Variants in RPL34 observed in about 807,000 individuals in gnomAD.
RPL34 encodes the protein ribosomal protein L34.
A neutral mutation model predicts 16.3 loss-of-function variants in RPL34; 2 were observed. The observed-to-expected ratio is 0.12, with a 90% CI of 0.05 to 0.39. The LOEUF is 0.39. Ranked by LOEUF, RPL34 falls within the 10% of genes least tolerant of loss-of-function variation. The pLI, the probability that RPL34 is intolerant of heterozygous loss-of-function variation, is 0.99. For missense variants in RPL34, 82 were observed against 148.8 expected, an observed-to-expected ratio of 0.55 and a Z score of 2.33; for synonymous variants, 47 against 48.5, an observed-to-expected ratio of 0.97 and a Z score of 0.13.
At chr4:108,629,878 C>T (rs1182539238), downstream of RPL34, 1 of 152,212 alleles carries the variant, frequency 6.6e-6, no homozygotes, top group Admixed American at 6.5e-5. Context: ...GTCCAACTTT[C>T]ACTGTAAACT....
In RPL34 at chr4:108,625,275, T is replaced by TC. The variant is rs1433426179; in HGVS notation, c.*64dup. 3 of 928,834 alleles carry TC rather than the reference T, an allele frequency of 3.2e-6. No individual in the cohort carries two copies. Among genetic ancestry groups the TC allele is most frequent in the South Asian group, 1.5e-5 (1 of 66,736 alleles). The allele number at this position is 928,834 out of a possible 1,614,324, so 57.5% of individuals were successfully genotyped here. A position where few individuals can be genotyped will look rare whatever the true frequency, so the allele number is the denominator to read the frequency against. ...CGCTGTATGTATGACTTTTTTTTTT[T>TC]CTGTTGTAATGTGTTAGTATACAGA... On this transcript the variant is annotated 3_prime_UTR_variant, in exon 5 of 5. Coordinates refer to ENST00000394667, the MANE Select transcript of RPL34 (RefSeq NM_001319236.2).
intron 4 of RPL34, chr4:108,622,860 A>G (rs1354304844): frequency 5.1e-6 from 2 of 389,086 alleles, no homozygotes; most frequent in Admixed American, 4.1e-5. Flanking sequence ...GGAGGTGGGT[A>G]AGAAAGTCTC....
intron 4 of RPL34, among the ~76,000 whole-genome samples, chr4:108,624,351 T>C (rs1029595122): frequency 6.6e-6 from 1 of 152,108 alleles, no homozygotes; most frequent in Non-Finnish European, 1.5e-5. Context: ...AGGGTAGGGT[T>C]TGATAACCAG....
Position 108,625,344 on chromosome 4 carries a change from G to A in RPL34, c.*132G>A, listed in dbSNP as rs1432614304. The stretch of plus-strand genomic sequence containing the variant: ...TTTGGGGACCCTATAGTTTTTAGCA[G>A]ATTACTTTTTCTTGTTTTGTTTGTT... On this transcript the variant is annotated 3_prime_UTR_variant, in exon 5 of 5. Coordinates refer to ENST00000394667, the MANE Select transcript of RPL34 (RefSeq NM_001319236.2). 2 of 544,920 alleles carry A rather than the reference G, an allele frequency of 3.7e-6. No individual in the cohort carries two copies. Among genetic ancestry groups the A allele is most frequent in the Non-Finnish European group, 6.6e-6 (2 of 304,876 alleles). The allele number at this position is 544,920 out of a possible 1,614,324, so 33.8% of individuals were successfully genotyped here.
intron 3 of RPL34, 120 bp from the exon 4 acceptor site, chr4:108,622,395 A>G (rs1392366497): frequency 1.2e-6 from 1 of 832,800 alleles, no homozygotes; most frequent in Non-Finnish European, 2.0e-6. Context: ...AATGCCTTTC[A>G]GATAAATGAG....
intron 1 of RPL34, 49 bp from the exon 2 acceptor site, chr4:108,621,902 A>G: frequency 2.4e-6 from 3 of 1,248,106 alleles, no homozygotes; most frequent in South Asian, 2.4e-5. Flanking sequence ...TTGAGATTTT[A>G]TTTACTTTTA....
intron 4 of RPL34, among the ~76,000 whole-genome samples, chr4:108,624,597 A>G (rs1157334650): frequency 6.6e-6 from 1 of 152,176 alleles, no homozygotes; most frequent in Non-Finnish European, 1.5e-5. Context: ...GTGTGAAACT[A>G]TTTTGTGCCT....
intron 3 of RPL34, 27 bp downstream of exon 3, chr4:108,622,231 C>A (rs772856302): frequency 2.7e-6 from 4 of 1,473,658 alleles, no homozygotes; most frequent in East Asian, 2.3e-5. Flanking sequence ...CTGTGTGCAG[C>A]CTAACAAGTC....
downstream of RPL34, among the ~76,000 whole-genome samples, chr4:108,629,725 G>C (rs1417650584): frequency 6.6e-6 from 1 of 152,120 alleles, no homozygotes; most frequent in Admixed American, 6.5e-5. Context: ...AGGTTGAAAG[G>C]GTTCTTTTAC....
In RPL34 at chr4:108,620,604, T is replaced by A. The variant is rs1368055295; in HGVS notation, c.-10+4T>A. 1 of 307,978 alleles carries A rather than the reference T, an allele frequency of 3.2e-6. No homozygotes were observed. Among genetic ancestry groups the A allele is most frequent in the Non-Finnish European group, 6.6e-6 (1 of 152,608 alleles). The allele number at this position is 307,978 out of a possible 1,614,324, so 19.1% of individuals were successfully genotyped here. A position where few individuals can be genotyped will look rare whatever the true frequency, so the allele number is the denominator to read the frequency against. On this transcript the variant is annotated splice_donor_region_variant and intron_variant, in intron 1 of 4. Coordinates refer to ENST00000394667, the MANE Select transcript of RPL34 (RefSeq NM_001319236.2). ...CTTCCGGGGACGTTGTCTGCAGGTATGGATGTTGTTCTCTTTTCCCTGTCT... is the reference window on the plus strand; with the variant it reads ...CTTCCGGGGACGTTGTCTGCAGGTAAGGATGTTGTTCTCTTTTCCCTGTCT...
At chr4:108,626,978 G>A (rs1560614831), downstream of RPL34, among the ~76,000 whole-genome samples, 1 of 152,156 alleles carries the variant, frequency 6.6e-6, no homozygotes, top group South Asian at 2.1e-4. Flanking sequence ...CGTGGTTCAT[G>A]CCTGTAATCC....
intron 4 of RPL34, 157 bp downstream of exon 4, chr4:108,622,775 A>T (rs555346883): frequency 4.2e-6 from 2 of 480,372 alleles, no homozygotes; most frequent in East Asian, 6.7e-5. Flanking sequence ...CAAAGCAGGA[A>T]ATGATATTCA....
chr4:108,626,714 C>T (rs926597678), downstream of RPL34, among the ~76,000 whole-genome samples: 13 of 151,926 alleles, frequency 8.6e-5, no homozygotes, highest in Non-Finnish European at 1.6e-4. Flanking sequence ...GCTGAGATTA[C>T]AGGCGTGAGC....
chr4:108,622,669 A>T (rs1382239031), intron 4 of RPL34, 51 bp downstream of exon 4: 1 of 1,153,664 alleles, frequency 8.7e-7, no homozygotes, highest in Non-Finnish European at 1.3e-6. Flanking sequence ...TGTGTGTGTT[A>T]TACTGTCTGC....
chr4:108,627,777 G>A (rs547997601), downstream of RPL34, among the ~76,000 whole-genome samples: 107 of 151,588 alleles, frequency 7.1e-4, no homozygotes, highest in Admixed American at 2.3e-3. Context: ...CAGAAGAATC[G>A]CTTGAACCTG....
intron 4 of RPL34, among the ~76,000 whole-genome samples, chr4:108,624,279 T>G (rs2110365597): frequency 6.6e-6 from 1 of 152,370 alleles, no homozygotes; most frequent in Middle Eastern, 3.4e-3. Context: ...GATTCAGTTG[T>G]ATGTGTCTCT....
chr4:108,622,892 T>G, intron 4 of RPL34: 2 of 321,850 alleles, frequency 6.2e-6, no homozygotes, highest in Non-Finnish European at 1.1e-5. Context: ...TGGACAAAGA[T>G]AGATGGAGTG....
At chr4:108,629,018 A>G (rs1018713280), downstream of RPL34, among the ~76,000 whole-genome samples, 2 of 152,038 alleles carry the variant, frequency 1.3e-5, no homozygotes, top group Non-Finnish European at 2.9e-5. Context: ...CGGGTTCGCC[A>G]TGTTGGCCAG....
downstream of RPL34, among the ~76,000 whole-genome samples, chr4:108,628,522 A>G (rs3733620): frequency 0.19 from 28,774 of 152,120 alleles, 3,866 homozygotes; most frequent in East Asian, 0.56. Flanking sequence ...GAGAAAGCCT[A>G]TTTGCCACCC....
Sources: gnomAD v4.1 joint callset for allele counts (sites outside exome capture counted in the v4.1 genomes callset) on GRCh38, gnomAD v4.1.1 for gene constraint, MANE v1.5 for transcripts, NCBI Gene and HGNC (gene_info 2026-07-23, HGNC 2026-07-21) for gene names.